CLNK: variants seen among roughly 807,000 people sequenced by gnomAD.
The protein encoded by CLNK is cytokine-dependent hematopoietic cell linker.
In CLNK, 74 loss-of-function variants were observed where a neutral mutation model predicts 68.6. That is an observed-to-expected ratio of 1.08 (90% confidence interval 0.89 to 1.31). The LOEUF is 1.31. CLNK is among the 50% of genes most tolerant of loss of function. The pLI is 0.00. For missense variants in CLNK, 553 were observed against 515.3 expected (o/e 1.07, Z -0.71); for synonymous variants, 198 against 172.2 (o/e 1.15, Z -1.17).
chr4:10,691,621 G>A, the CLNK span, among the ~76,000 whole-genome samples: 1 of 149,424 alleles, frequency 6.7e-6, no homozygotes, highest in African/African-American at 2.5e-5. Flanking sequence ...AAAAAAAACT[G>A]CTTTGGGTTA....
intron 2 of CLNK, among the ~76,000 whole-genome samples, chr4:10,652,551 T>C (rs575554694): frequency 2.0e-5 from 3 of 152,150 alleles, no homozygotes; most frequent in Non-Finnish European, 4.4e-5. Context: ...TGCTTGGTTA[T>C]TATATTAATG....
intron 3 of CLNK, among the ~76,000 whole-genome samples, chr4:10,596,303 G>C (rs1442780478): frequency 1.3e-5 from 2 of 152,208 alleles, no homozygotes; most frequent in African/African-American, 4.8e-5. Flanking sequence ...GGGATTACAG[G>C]CATAAGCCAC....
intron 2 of CLNK, among the ~76,000 whole-genome samples, chr4:10,651,788 G>T (rs914366349): frequency 3.9e-5 from 6 of 152,002 alleles, no homozygotes; most frequent in Non-Finnish European, 8.8e-5. Flanking sequence ...AGTGTTGAAA[G>T]TTCCATTATT....
intron 2 of CLNK, among the ~76,000 whole-genome samples, chr4:10,638,684 A>G (rs1218058428): frequency 6.6e-6 from 1 of 152,210 alleles, no homozygotes; most frequent in African/African-American, 2.4e-5. Flanking sequence ...TGCTAGAATC[A>G]TTTGGAGAGA....
At chr4:10,687,214 A>C (rs1249065722), upstream of CLNK, among the ~76,000 whole-genome samples, 1 of 152,004 alleles carries the variant, frequency 6.6e-6, no homozygotes, top group East Asian at 1.9e-4. Context: ...GAAAAAAAAA[A>C]AAAACTTGTC....
chr4:10,576,388 C>T (rs1048441374), intron 4 of CLNK, among the ~76,000 whole-genome samples: 3 of 152,206 alleles, frequency 2.0e-5, no homozygotes, highest in Non-Finnish European at 4.4e-5. Flanking sequence ...GGTCATCCAT[C>T]ACCCACAGAC....
chr4:10,621,441 A>C (rs1194278040), intron 2 of CLNK, among the ~76,000 whole-genome samples: 1 of 152,180 alleles, frequency 6.6e-6, no homozygotes, highest in Non-Finnish European at 1.5e-5. Flanking sequence ...GTATCATTGG[A>C]GGTCTTTCCA....
Position 10,532,250 on chromosome 4 carries a change from A to G in CLNK, c.630+6T>C, listed in dbSNP as rs771075917. 17 of 1,608,050 alleles carry G rather than the reference A, an allele frequency of 1.1e-5. 1 individual carries two copies. The South Asian group carries it at 1.7e-4, about 16-fold the overall frequency. On this transcript the variant is annotated splice_donor_region_variant and intron_variant, in intron 12 of 18. Transcript: ENST00000226951. ...CTTTGCTTCCAAGGATAAAATTGCT[A>G]CTTACCTCACTTAAGTCCCTTAAGC...
intron 2 of CLNK, among the ~76,000 whole-genome samples, chr4:10,613,279 CT>C (rs1560242218): frequency 6.6e-6 from 1 of 152,028 alleles, no homozygotes; most frequent in Non-Finnish European, 1.5e-5. Context: ...ATGAATAGTC[CT>C]TGGGGTGGTC....
At chr4:10,573,412 T>C (rs1720424635) in intron 4 of CLNK, among the ~76,000 whole-genome samples, 1 of 152,068 alleles carries the variant, frequency 6.6e-6, no homozygotes, top group South Asian at 2.1e-4. Context: ...ATCCTTGGGG[T>C]TGGATAGCAG....
At chr4:10,649,357 G>A (rs1315041606) in intron 2 of CLNK, among the ~76,000 whole-genome samples, 2 of 152,178 alleles carry the variant, frequency 1.3e-5, no homozygotes, top group African/African-American at 4.8e-5. Context: ...AAATCTAAAT[G>A]AAGGTGAATA....
intron 16 of CLNK, among the ~76,000 whole-genome samples, chr4:10,509,633 G>A (rs751434802): frequency 5.3e-5 from 8 of 151,302 alleles, no homozygotes; most frequent in Admixed American, 1.3e-4. Context: ...CCAGAAGTTC[G>A]CCTACCCCAG....
intron 2 of CLNK, among the ~76,000 whole-genome samples, chr4:10,611,693 G>A (rs921968550): frequency 6.6e-6 from 1 of 152,130 alleles, no homozygotes; most frequent in Non-Finnish European, 1.5e-5. Flanking sequence ...GGAGGGAAAT[G>A]AGAAGACAGA....
chr4:10,712,837 T>G, the CLNK span, among the ~76,000 whole-genome samples: 1 of 152,236 alleles, frequency 6.6e-6, no homozygotes, highest in Non-Finnish European at 1.5e-5. Context: ...GTGGACCAAC[T>G]GATGCCCACC....
the CLNK span, among the ~76,000 whole-genome samples, chr4:10,718,240 G>C: frequency 6.6e-6 from 1 of 152,002 alleles, no homozygotes; most frequent in Admixed American, 6.6e-5. Context: ...GGGAAGGGTT[G>C]AAAGAAATAC....
chr4:10,565,237 T>C (rs934999275), intron 6 of CLNK, among the ~76,000 whole-genome samples: 1 of 152,156 alleles, frequency 6.6e-6, no homozygotes, highest in East Asian at 1.9e-4. Context: ...CCCCAGTCAA[T>C]CCCAACATGG....
In CLNK at chr4:10,656,297, A is replaced by G. The variant is rs1414372098; in HGVS notation, c.11+11562T>C. ...AGTGTGCAGAATAAATAAATAATGC[A>G]TACAAATCAATATGAAAACGACAAA... On this transcript the variant is annotated intron_variant, in intron 2 of 18. Transcript: ENST00000226951. Among the ~76,000 whole-genome samples, 4 of 148,118 alleles carry G rather than the reference A, an allele frequency of 2.7e-5. 1 individual carries two copies. The East Asian group carries it at 6.0e-4, about 22-fold the overall frequency.
chr4:10,719,922 A>G, the CLNK span, among the ~76,000 whole-genome samples: 4 of 152,166 alleles, frequency 2.6e-5, no homozygotes, highest in Admixed American at 6.5e-5. Flanking sequence ...ATCCCCAGAC[A>G]CTTTCAAACT....
Position 10,488,919 on chromosome 4 carries a change from G to A in CLNK, c.*1548C>T, listed in dbSNP as rs1245608216. 5 of 152,118 alleles carry A rather than the reference G, an allele frequency of 3.3e-5. No homozygotes were observed. The highest frequency in any genetic ancestry group is 1.2e-4 in the African/African-American group (5 of 41,426). 9.4% of individuals were successfully genotyped at this position (152,118 alleles called of 1,614,324 possible). ...AATACTCTATGAATTTCCTTTGTAA[G>A]CTTTGGTAGCATTTGACATCATGAT... is the stretch of plus-strand genomic sequence containing the variant. On this transcript the variant is annotated 3_prime_UTR_variant, in exon 19 of 19. Transcript: ENST00000226951.
Sources: gnomAD v4.1 joint callset for allele counts (sites outside exome capture counted in the v4.1 genomes callset) on GRCh38, gnomAD v4.1.1 for gene constraint, MANE v1.5 for transcripts, NCBI Gene and HGNC (gene_info 2026-07-23, HGNC 2026-07-21) for gene names.